The following ATP9B variants were observed in gnomAD, a reference collection of about 807,000 sequenced individuals.
ATP9B encodes the protein ATPase phospholipid transporting 9B.
Under a neutral mutation model 146.1 loss-of-function variants are expected in ATP9B, and 110 were observed. The ratio of observed to expected loss-of-function variants is 0.75; its 90% CI spans 0.65 to 0.88. The LOEUF (loss-of-function observed/expected upper bound fraction) is 0.88, where lower values mean the gene tolerates loss of function less well. ATP9B is among the 40% of genes least tolerant of loss of function. The pLI is 0.00. For missense variants in ATP9B, 1,499 were observed against 1,496.4 expected, an observed-to-expected ratio of 1.00 and a Z score of -0.03; for synonymous variants, 604 against 569.7, an observed-to-expected ratio of 1.06 and a Z score of -0.86.
At chr18:79,204,448 G>A (rs2095516535) in intron 9 of ATP9B, among the ~76,000 whole-genome samples, 2 of 152,182 alleles carry the variant, frequency 1.3e-5, no homozygotes, top group African/African-American at 4.8e-5. Context: ...TTCCTTTTAA[G>A]TTCTTTTCCC....
intron 15 of ATP9B, among the ~76,000 whole-genome samples, chr18:79,322,381 C>T (rs942390922): frequency 3.3e-5 from 5 of 152,292 alleles, no homozygotes; most frequent in South Asian, 2.1e-4. Context: ...CATTGCTGCA[C>T]GGCACACCAT....
chr18:79,298,157 GTTAAAA>G (rs1245235270), intron 13 of ATP9B, among the ~76,000 whole-genome samples: 1 of 146,478 alleles, frequency 6.8e-6, no homozygotes, highest in African/African-American at 2.5e-5. Flanking sequence ...AAGAAATCGA[GTTAAAA>G]TTAAAGAAAG....
intron 12 of ATP9B, among the ~76,000 whole-genome samples, chr18:79,268,293 TAA>T (rs1321590720): frequency 2.6e-5 from 4 of 152,190 alleles, no homozygotes; most frequent in African/African-American, 9.6e-5. Flanking sequence ...GTAATTGGTT[TAA>T]TTTTTATCTA....
intron 1 of ATP9B, among the ~76,000 whole-genome samples, chr18:79,074,894 T>C (rs1422217298): frequency 6.6e-6 from 1 of 152,230 alleles, no homozygotes; most frequent in Admixed American, 6.5e-5. Flanking sequence ...ATACACATAG[T>C]TTATAAAGTT....
intron 11 of ATP9B, among the ~76,000 whole-genome samples, chr18:79,215,299 G>A (rs2095617538): frequency 6.6e-6 from 1 of 152,122 alleles, no homozygotes; most frequent in African/African-American, 2.4e-5. Context: ...GTAGAGTGAG[G>A]CCTTCTGTGT....
At chr18:79,120,959 G>A (rs2094177849) in intron 4 of ATP9B, among the ~76,000 whole-genome samples, 1 of 152,162 alleles carries the variant, frequency 6.6e-6, no homozygotes, top group South Asian at 2.1e-4. Context: ...AAATTGCTTG[G>A]AATCATCCAG....
intron 6 of ATP9B, among the ~76,000 whole-genome samples, chr18:79,152,075 GCTC>G (rs1205349617): frequency 1.3e-5 from 2 of 152,202 alleles, no homozygotes; most frequent in East Asian, 3.8e-4. Context: ...ATGAAAAAAA[GCTC>G]ATCATCATTG....
intron 5 of ATP9B, among the ~76,000 whole-genome samples, chr18:79,140,335 G>T (rs1038650445): frequency 7.9e-5 from 12 of 151,994 alleles, no homozygotes; most frequent in Non-Finnish European, 1.2e-4. Context: ...GGAATTTTTT[G>T]GGGGGGAATT....
chr18:79,117,422 A>G (rs1048078899), intron 4 of ATP9B: 1 of 152,272 alleles, frequency 6.6e-6, no homozygotes, highest in Non-Finnish European at 1.5e-5. Flanking sequence ...ATGGTCAAGG[A>G]AGGCCTCTCC....
At chr18:79,248,391 G>T (rs9965973) in intron 11 of ATP9B, among the ~76,000 whole-genome samples, 51,588 of 152,042 alleles carry the variant, frequency 0.34, 9,305 homozygotes, top group African/African-American at 0.46. Context: ...TGTCTCTTAA[G>T]ATTCTACTAG....
At chr18:79,347,985 G>T in intron 24 of ATP9B, 60 bp downstream of exon 24, 1 of 1,605,768 alleles carries the variant, frequency 6.2e-7, no homozygotes, top group Non-Finnish European at 8.5e-7. Context: ...GCAGGGTCCG[G>T]GAAGGGCAGG....
At chr18:79,205,903 A>G (rs1252220504) in intron 9 of ATP9B, among the ~76,000 whole-genome samples, 1 of 151,936 alleles carries the variant, frequency 6.6e-6, no homozygotes, top group Non-Finnish European at 1.5e-5. Context: ...AACGTACTTG[A>G]ATTTTGTTTA....
At chr18:79,173,406 TGCCCTGA>T (rs751494007) in intron 7 of ATP9B, among the ~76,000 whole-genome samples, 22 of 151,766 alleles carry the variant, frequency 1.4e-4, no homozygotes, top group Non-Finnish European at 2.6e-4. Context: ...TCCAGCCCTG[TGCCCTGA>T]GGATTTCTTC....
chr18:79,173,269 A>G (rs2095107771), intron 7 of ATP9B, among the ~76,000 whole-genome samples: 2 of 152,102 alleles, frequency 1.3e-5, no homozygotes, highest in African/African-American at 4.8e-5. Context: ...ATTTTGTACT[A>G]GTTTGTAGTT....
Position 79,330,081 on chromosome 18 carries a change from T to C in ATP9B, c.2005T>C (p.Tyr669His). 1 of 1,614,128 alleles carries C rather than the reference T, an allele frequency of 6.2e-7. No individual in the cohort carries two copies. Residue 669 changes from tyrosine to histidine, a missense_variant, in exon 17 of 30, where the codon TAT becomes CAT. Tyr to His is a moderately conservative substitution (Grantham distance 83). Coordinates refer to ENST00000426216, the MANE Select transcript of ATP9B (RefSeq NM_198531.5). ...ADVAMSPIVQ[Y>H]NDWLEEECGN... is the part of the protein sequence containing the mutation. The stretch of plus-strand genomic sequence containing the variant: ...CGTGGCCATGTCTCCTATCGTGCAG[T>C]ATAATGACTGGCTGGAAGAGGAGGT...
In ATP9B at chr18:79,197,400, T is replaced by TA. The variant is rs568069265; in HGVS notation, c.954+4138dup. Among the ~76,000 whole-genome samples the TA allele has an allele frequency of 1.2e-3, 175 of 151,896 alleles. 1 individual carries two copies. Among genetic ancestry groups the TA allele is most frequent in the Middle Eastern group, 6.8e-3 (2 of 294 alleles). On this transcript the variant is annotated intron_variant, in intron 9 of 29. Transcript: ENST00000426216. ...TGAAAATTAATGAATTAAATAAGTA[T>TA]ATGACAAAGTGAACAAAAAGAGTGC...
Position 79,090,292 on chromosome 18 carries a change from C to A in ATP9B, c.120-6184C>A, listed in dbSNP as rs567418527. On this transcript the variant is annotated intron_variant, in intron 1 of 29. Coordinates refer to ENST00000426216, the MANE Select transcript of ATP9B (RefSeq NM_198531.5). ...TCCTTTATTTTTGGTATATACCAAG[C>A]AGTGGGATTGTTGGATCATATAGTA... 5.7e-4 allele frequency among the ~76,000 whole-genome samples: 86 copies of A among 152,200 alleles called. 1 individual carries two copies. The highest frequency in any genetic ancestry group is 2.6e-4 in the Non-Finnish European group (18 of 68,038).
Position 79,347,876 on chromosome 18 carries a change from C to T in ATP9B, c.2789C>T (p.Ala930Val), listed in dbSNP as rs759972092. 1 of 1,613,758 alleles carries T rather than the reference C, an allele frequency of 6.2e-7. No individual in the cohort carries two copies. The highest frequency in any genetic ancestry group is 8.5e-7 in the Non-Finnish European group (1 of 1,179,926). ...CGGAACAGCTACAAGAGGTCGGCGG[C>T]ACTCGGCCAGTTCGTCATGCACAGG... ...HGRNSYKRSAALGQFVMHRGL... is the reference protein window; with the variant it reads ...HGRNSYKRSAVLGQFVMHRGL... Residue 930 changes from alanine (A) to valine (V), a missense_variant, in exon 24 of 30, where the codon GCA becomes GTA. By Grantham distance (64) the Ala-to-Val change is moderately conservative. Transcript: ENST00000426216.
intron 1 of ATP9B, 99 bp downstream of exon 1, chr18:79,069,628 G>C: frequency 5.5e-6 from 4 of 729,946 alleles, no homozygotes; most frequent in Non-Finnish European, 5.7e-6. Flanking sequence ...GGTCGCTACC[G>C]GCGCGCCCCA....
Sources: gnomAD v4.1 joint callset for allele counts (sites outside exome capture counted in the v4.1 genomes callset) on GRCh38, gnomAD v4.1.1 for gene constraint, MANE v1.5 for transcripts, NCBI Gene and HGNC (gene_info 2026-07-23, HGNC 2026-07-21) for gene names.